SDK1: variants seen among roughly 807,000 people sequenced by gnomAD.
SDK1 encodes sidekick cell adhesion molecule 1.
A neutral mutation model predicts 245.5 loss-of-function variants in SDK1; 157 were observed. That is an observed-to-expected ratio of 0.64 (90% CI 0.56 to 0.73). The LOEUF (loss-of-function observed/expected upper bound fraction) is 0.73. Among genes scored for constraint, SDK1 ranks in the 30% least tolerant of loss-of-function variants. SDK1 has a pLI of 0.00. For synonymous variants in SDK1, 1,647 were observed against 1,278.5 expected (o/e 1.29, Z -6.15); for missense variants, 3,583 against 3,002.3 (o/e 1.19, Z -4.52).
At chr7:3,396,213 T>C (rs1250527220) in intron 1 of SDK1, among the ~76,000 whole-genome samples, 1 of 151,914 alleles carries the variant, frequency 6.6e-6, no homozygotes, top group Non-Finnish European at 1.5e-5. Flanking sequence ...AAAATTTTTC[T>C]TTGACCCGTA....
intron 1 of SDK1, among the ~76,000 whole-genome samples, chr7:3,324,819 C>A (rs1779901478): frequency 6.6e-6 from 1 of 151,980 alleles, no homozygotes; most frequent in Non-Finnish European, 1.5e-5. Flanking sequence ...AAACCTATGC[C>A]CAGGAAAAAG....
At chr7:4,039,972 C>T (rs948625904) in intron 17 of SDK1, among the ~76,000 whole-genome samples, 10 of 152,104 alleles carry the variant, frequency 6.6e-5, no homozygotes, top group Non-Finnish European at 1.5e-4. Context: ...GAATAAGAAG[C>T]GCCCCCACAT....
At chr7:3,656,592 C>T (rs1348330620) in intron 4 of SDK1, among the ~76,000 whole-genome samples, 1 of 152,136 alleles carries the variant, frequency 6.6e-6, no homozygotes, top group Non-Finnish European at 1.5e-5. Context: ...AGAGCTGCTT[C>T]TGGTGACACT....
At chr7:3,899,935 C>A (rs987963635) in intron 5 of SDK1, among the ~76,000 whole-genome samples, 8 of 152,230 alleles carry the variant, frequency 5.3e-5, no homozygotes, top group African/African-American at 1.9e-4. Context: ...CTCACACATT[C>A]CCTTGACCGC....
At chr7:3,418,393 C>G (rs998524853) in intron 1 of SDK1, among the ~76,000 whole-genome samples, 4 of 152,128 alleles carry the variant, frequency 2.6e-5, no homozygotes, top group African/African-American at 9.7e-5. Flanking sequence ...ATATTCACTT[C>G]ACTGCAAAGA....
At chr7:3,437,622 C>G (rs1296647280) in intron 1 of SDK1, among the ~76,000 whole-genome samples, 1 of 152,032 alleles carries the variant, frequency 6.6e-6, no homozygotes, top group African/African-American at 2.4e-5. Context: ...ATAAAGTTAG[C>G]TGGATGTGAT....
chr7:4,192,353 G>C (rs904042088), intron 35 of SDK1, among the ~76,000 whole-genome samples: 1 of 152,178 alleles, frequency 6.6e-6, no homozygotes, highest in Non-Finnish European at 1.5e-5. Context: ...TTGGCTCACT[G>C]CAAGCTCCGC....
At chr7:3,530,649 A>C (rs1314925177) in intron 1 of SDK1, among the ~76,000 whole-genome samples, 1 of 152,226 alleles carries the variant, frequency 6.6e-6, no homozygotes, top group Non-Finnish European at 1.5e-5. Context: ...TAGGCATGTG[A>C]AATATATTAT....
At chr7:3,442,820 C>G (rs73293154) in intron 1 of SDK1, among the ~76,000 whole-genome samples, 3,474 of 152,270 alleles carry the variant, frequency 0.023, 141 homozygotes, top group African/African-American at 0.08. Context: ...GTTGAGTGAA[C>G]TGCTTTTGCT....
chr7:3,705,231 A>G (rs969144364), intron 4 of SDK1, among the ~76,000 whole-genome samples: 1 of 151,896 alleles, frequency 6.6e-6, no homozygotes, highest in African/African-American at 2.4e-5. Flanking sequence ...TAAAAATGAT[A>G]TAGGTATTTT....
intron 4 of SDK1, among the ~76,000 whole-genome samples, chr7:3,736,620 C>T (rs1282070438): frequency 1.3e-5 from 2 of 152,220 alleles, no homozygotes; most frequent in African/African-American, 2.4e-5. Flanking sequence ...TTCCTCTCTT[C>T]CCCACTACTG....
rs115195642 is a variant in SDK1, at chr7:4,195,743, A to G, written c.5099-10136A>G. On this transcript the variant is annotated intron_variant, in intron 35 of 44. Transcript: ENST00000404826. ...AATCTCCTTGCCTGCAGGGCTGCAG[A>G]GAGGACCAGATCCGCAGAGGGCCCT... Among the ~76,000 whole-genome samples the G allele has an allele frequency of 4.3e-3, 653 of 152,218 alleles. 6 individuals are homozygous for G. Among genetic ancestry groups the G allele is most frequent in the African/African-American group, 0.015 (614 of 41,556 alleles).
At chr7:4,003,010 G>A (rs1163380926) in intron 14 of SDK1, among the ~76,000 whole-genome samples, 1 of 152,216 alleles carries the variant, frequency 6.6e-6, no homozygotes, top group Non-Finnish European at 1.5e-5. Context: ...TCCACCCCAT[G>A]GGCATCAGGC....
At chr7:3,539,176 G>T (rs1297863434) in intron 1 of SDK1, among the ~76,000 whole-genome samples, 1 of 152,158 alleles carries the variant, frequency 6.6e-6, no homozygotes, top group Non-Finnish European at 1.5e-5. Flanking sequence ...CCAAGTTAGG[G>T]GCTGTGGGGA....
At chr7:4,138,360 T>C (rs927215290) in intron 28 of SDK1, among the ~76,000 whole-genome samples, 1 of 152,182 alleles carries the variant, frequency 6.6e-6, no homozygotes, top group Admixed American at 6.5e-5. Context: ...AGGGAAAACA[T>C]GCTTTTGTTA....
intron 22 of SDK1, among the ~76,000 whole-genome samples, chr7:4,081,054 G>C (rs1023798380): frequency 6.6e-6 from 1 of 152,172 alleles, no homozygotes; most frequent in Non-Finnish European, 1.5e-5. Context: ...GCAGAAGCAC[G>C]CGCTGTGGTC....
At chr7:3,759,434 A>C (rs948593949) in intron 4 of SDK1, among the ~76,000 whole-genome samples, 2 of 152,188 alleles carry the variant, frequency 1.3e-5, no homozygotes, top group Admixed American at 1.3e-4. Context: ...ATCCTGATGC[A>C]TGACTTTAAA....
intron 2 of SDK1, among the ~76,000 whole-genome samples, chr7:3,626,108 TA>T (rs1239473576): frequency 1.3e-5 from 2 of 150,482 alleles, no homozygotes; most frequent in East Asian, 1.9e-4. Context: ...CACAACTAGC[TA>T]TTTTTTTTTT....
At chr7:3,769,418 C>T (rs1032201284) in intron 4 of SDK1, among the ~76,000 whole-genome samples, 4 of 152,054 alleles carry the variant, frequency 2.6e-5, no homozygotes, top group Non-Finnish European at 4.4e-5. Flanking sequence ...AGCCACAAGT[C>T]CCACTCCTAT....
Sources: gnomAD v4.1 joint callset for allele counts (sites outside exome capture counted in the v4.1 genomes callset) on GRCh38, gnomAD v4.1.1 for gene constraint, MANE v1.5 for transcripts, NCBI Gene and HGNC (gene_info 2026-07-23, HGNC 2026-07-21) for gene names.